The following MTUS1 variants were observed in gnomAD, a reference collection of about 807,000 sequenced individuals.
The protein encoded by MTUS1 is microtubule-associated tumor suppressor 1.
In MTUS1, 109 loss-of-function variants were observed where a neutral mutation model predicts 120.8. The ratio of observed to expected loss-of-function variants is 0.90; its 90% CI spans 0.77 to 1.06. MTUS1 has a LOEUF of 1.06. Among genes scored for constraint, MTUS1 ranks in the 50% least tolerant of loss-of-function variants. The pLI, the probability that MTUS1 is intolerant of heterozygous loss-of-function variation, is 0.00. For synonymous variants in MTUS1, 737 were observed against 550.5 expected, an observed-to-expected ratio of 1.34 and a Z score of -4.74; for missense variants, 2,210 against 1,486.3, an observed-to-expected ratio of 1.49 and a Z score of -8.01.
At chr8:17,760,055 T>G (rs867436774) in intron 1 of MTUS1, among the ~76,000 whole-genome samples, 1 of 142,894 alleles carries the variant, frequency 7.0e-6, no homozygotes, top group Non-Finnish European at 1.5e-5. Context: ...CGATTTCTTT[T>G]CTTTTTTTTT....
chr8:17,693,090 A>G (rs1381339782), intron 6 of MTUS1, among the ~76,000 whole-genome samples: 1 of 152,158 alleles, frequency 6.6e-6, no homozygotes, highest in Non-Finnish European at 1.5e-5. Context: ...TTAATACAAG[A>G]ATTTCCAGCT....
Position 17,684,381 on chromosome 8 carries a change from C to A in MTUS1, c.2785G>T (p.Gly929Cys), listed in dbSNP as rs777715910. 6.2e-7 allele frequency: 1 copy of A among 1,614,170 alleles called. No homozygotes were observed. ...ILQLKQLLACGNTKFEALTVV... is the reference protein window; with the variant it reads ...ILQLKQLLACCNTKFEALTVV... ...GTCAATGCCTCAAACTTGGTATTAC[C>A]ACAGGCAAGAAGCTGCTTGAGCTGC... Residue 929 changes from glycine to cysteine, a missense_variant, in exon 7 of 15, where the codon GGT becomes TGT. Physicochemically the swap from Gly to Cys is radical, Grantham distance 159. Transcript: ENST00000693296.
At chr8:17,722,439 C>G in intron 4 of MTUS1, 6 of 985,342 alleles carry the variant, frequency 6.1e-6, no homozygotes, top group Non-Finnish European at 7.2e-6. Flanking sequence ...ATTCAGAGTT[C>G]CCTCTTACAT....
intron 6 of MTUS1, among the ~76,000 whole-genome samples, chr8:17,702,239 G>A (rs1040714285): frequency 6.6e-6 from 1 of 152,294 alleles, no homozygotes; most frequent in Non-Finnish European, 1.5e-5. Context: ...TTCTTCGCCA[G>A]TACCAGGTGC....
At chr8:17,698,034 A>T (rs1459095249) in intron 6 of MTUS1, among the ~76,000 whole-genome samples, 1 of 152,130 alleles carries the variant, frequency 6.6e-6, no homozygotes, top group Non-Finnish European at 1.5e-5. Flanking sequence ...TACAATATTT[A>T]AGAAAATTTC....
intron 6 of MTUS1, among the ~76,000 whole-genome samples, chr8:17,712,910 A>G (rs1821617102): frequency 1.3e-5 from 2 of 152,244 alleles, no homozygotes; most frequent in African/African-American, 2.4e-5. Context: ...GGAATATCCA[A>G]TTTCAAAATA....
chr8:17,788,222 C>A (rs1329981823), intron 1 of MTUS1, among the ~76,000 whole-genome samples: 1 of 152,166 alleles, frequency 6.6e-6, no homozygotes, highest in Non-Finnish European at 1.5e-5. Flanking sequence ...TAATTGCACA[C>A]TTAAGCCAGG....
intron 3 of MTUS1, among the ~76,000 whole-genome samples, chr8:17,730,106 G>A (rs1166340460): frequency 2.0e-5 from 3 of 152,128 alleles, no homozygotes; most frequent in Non-Finnish European, 4.4e-5. Context: ...TGTGGAAATG[G>A]TATGGTGGTT....
At chr8:17,778,027 G>C (rs1259230047) in intron 1 of MTUS1, among the ~76,000 whole-genome samples, 1 of 152,172 alleles carries the variant, frequency 6.6e-6, no homozygotes, top group African/African-American at 2.4e-5. Context: ...ATGTGGGTGG[G>C]GGTATGGAGC....
intron 1 of MTUS1, among the ~76,000 whole-genome samples, chr8:17,761,975 C>A (rs1467194889): frequency 6.6e-6 from 1 of 152,148 alleles, no homozygotes; most frequent in African/African-American, 2.4e-5. Flanking sequence ...ATCATTTTAT[C>A]TTACTAAAAA....
At chr8:17,746,606 C>T (rs771899043) in intron 2 of MTUS1, among the ~76,000 whole-genome samples, 8 of 152,052 alleles carry the variant, frequency 5.3e-5, no homozygotes, top group Non-Finnish European at 1.0e-4. Context: ...TGGGGGAAAC[C>T]ACCCCCATGA....
intron 6 of MTUS1, among the ~76,000 whole-genome samples, chr8:17,690,522 C>T (rs1585718452): frequency 6.6e-6 from 1 of 152,168 alleles, no homozygotes; most frequent in Non-Finnish European, 1.5e-5. Flanking sequence ...ACCCAGCAAT[C>T]CCACTGCTGG....
chr8:17,798,200 G>A (rs996286408), intron 1 of MTUS1, among the ~76,000 whole-genome samples: 3 of 152,142 alleles, frequency 2.0e-5, no homozygotes, highest in Admixed American at 6.6e-5. Flanking sequence ...TGATTTCAAA[G>A]GATGTTGTTC....
intron 3 of MTUS1, among the ~76,000 whole-genome samples, chr8:17,737,824 C>G (rs1036844932): frequency 1.3e-5 from 2 of 152,262 alleles, no homozygotes; most frequent in East Asian, 3.9e-4. Flanking sequence ...GGGTAATAAC[C>G]TCTGATTTTT....
chr8:17,658,968 T>A (rs903112699), intron 8 of MTUS1, among the ~76,000 whole-genome samples: 69 of 150,834 alleles, frequency 4.6e-4, no homozygotes, highest in African/African-American at 1.6e-3. Flanking sequence ...GATTTAACAT[T>A]AAAAAAAAAT....
chr8:17,668,923 A>G (rs975539991), intron 8 of MTUS1, among the ~76,000 whole-genome samples: 20 of 152,222 alleles, frequency 1.3e-4, no homozygotes, highest in African/African-American at 4.3e-4. Context: ...ATAGAAAAAC[A>G]TTTGTGCATA....
chr8:17,669,986 T>A (rs1585554019), intron 8 of MTUS1, among the ~76,000 whole-genome samples: 1 of 152,030 alleles, frequency 6.6e-6, no homozygotes, highest in Non-Finnish European at 1.5e-5. Context: ...ATCTTCCAGG[T>A]GAGAAATTGT....
chr8:17,741,545 C>G (rs1299008316), intron 3 of MTUS1, among the ~76,000 whole-genome samples: 8 of 152,290 alleles, frequency 5.3e-5, no homozygotes, highest in Middle Eastern at 3.4e-3. Context: ...CAAAAGCATG[C>G]CCTGTCTTTT....
chr8:17,792,233 G>A (rs1352615292), intron 1 of MTUS1, among the ~76,000 whole-genome samples: 1 of 152,148 alleles, frequency 6.6e-6, no homozygotes, highest in Non-Finnish European at 1.5e-5. Context: ...AATAAAAACA[G>A]GAGGAAGGAG....
Sources: allele counts gnomAD v4.1 joint callset (sites outside exome capture counted in the v4.1 genomes callset), GRCh38; gene constraint gnomAD v4.1.1; transcripts MANE v1.5; gene names NCBI Gene and HGNC (gene_info 2026-07-23, HGNC 2026-07-21).